Variants in TMCO6 observed in about 807,000 individuals in gnomAD.
TMCO6 encodes the protein transmembrane and coiled-coil domain-containing protein 6.
Under a neutral mutation model 61.8 loss-of-function variants are expected in TMCO6, and 47 were observed. The ratio of observed to expected loss-of-function variants is 0.76; its 90% CI spans 0.60 to 0.97. The LOEUF (loss-of-function observed/expected upper bound fraction) is 0.97, where lower values mean the gene tolerates loss of function less well. Among genes scored for constraint, TMCO6 ranks in the 50% least tolerant of loss-of-function variants. TMCO6 has a pLI of 0.00. For missense variants in TMCO6, 557 were observed against 601.6 expected, an observed-to-expected ratio of 0.93 and a Z score of 0.78; for synonymous variants, 261 against 254.2, an observed-to-expected ratio of 1.03 and a Z score of -0.25.
downstream of TMCO6, chr5:140,647,551 C>T (rs1176901948): frequency 6.2e-7 from 1 of 1,611,828 alleles, no homozygotes; most frequent in Non-Finnish European, 8.5e-7. Context: ...CCAGCTTTGC[C>T]CCGACTCCTC....
the TMCO6 span, chr5:140,631,599 T>C: frequency 7.9e-6 from 3 of 380,800 alleles, no homozygotes; most frequent in African/African-American, 2.1e-5. Flanking sequence ...AGTTCTTTTC[T>C]TGAGGAGGAC....
chr5:140,644,500 T>G (rs1757267108), intron 10 of TMCO6, 73 bp from the exon 11 acceptor site: 1 of 1,554,262 alleles, frequency 6.4e-7, no homozygotes, highest in Non-Finnish European at 8.8e-7. Context: ...GTGGTCACCA[T>G]GTCATATATT....
chr5:140,641,908 C>T lies in TMCO6; in HGVS notation c.353C>T (p.Thr118Ile). The change falls in exon 4 of 12, where the codon ACC (threonine) becomes ATC (isoleucine). Residue 118 changes from threonine to isoleucine, a missense_variant. Transcript: ENST00000394671. ...ATGCGGACCCTGGTCGGGCTCCTGA[C>T]CAGCAACCAGGCCCTGCTGCAGCTT... The part of the protein sequence containing the change: ...GSMRTLVGLL[T>I]SNQALLQLEA... 5 of 1,613,346 alleles carry T rather than the reference C, an allele frequency of 3.1e-6. No homozygotes were observed. Among genetic ancestry groups the T allele is most frequent in the Non-Finnish European group, 4.2e-6 (5 of 1,179,352 alleles).
chr5:140,632,826 G>C, the TMCO6 span: 5 of 1,614,022 alleles, frequency 3.1e-6, no homozygotes, highest in Non-Finnish European at 3.4e-6. The surrounding 1 kb of genome is among the most constrained non-coding windows in gnomAD (Gnocchi z 6.2). Flanking sequence ...CTCTACTGCA[G>C]ACACACACTG....
At chr5:140,640,254 T>A (rs1344403196) in intron 2 of TMCO6, among the ~76,000 whole-genome samples, 1 of 152,214 alleles carries the variant, frequency 6.6e-6, no homozygotes, top group Non-Finnish European at 1.5e-5. Context: ...AGCCTCTTCC[T>A]AACTCAAATT....
At chr5:140,618,653 C>T in the TMCO6 span, among the ~76,000 whole-genome samples, 2 of 152,096 alleles carry the variant, frequency 1.3e-5, no homozygotes, top group African/African-American at 2.4e-5. Flanking sequence ...CTTCCACCCT[C>T]CCCACTCAAG....
At chr5:140,628,774 G>A in the TMCO6 span, among the ~76,000 whole-genome samples, 1 of 152,056 alleles carries the variant, frequency 6.6e-6, no homozygotes, top group Non-Finnish European at 1.5e-5. Flanking sequence ...CTGAATTGTG[G>A]GCATCACTAT....
Position 140,645,334 on chromosome 5 carries a change from C to A in TMCO6, c.*236C>A. On this transcript the variant is annotated 3_prime_UTR_variant, in exon 12 of 12. Coordinates refer to ENST00000394671, the MANE Select transcript of TMCO6 (RefSeq NM_018502.5). ...GGGCCCTAGAATCCCTGCCCCCCCG[C>A]CACCCTTCATGTTTGCTTCAGCAGC... 1 of 736,942 alleles carries A rather than the reference C, an allele frequency of 1.4e-6. No individual in the cohort carries two copies. The highest frequency in any genetic ancestry group is 1.5e-5 in the South Asian group (1 of 66,478). 45.7% of individuals were successfully genotyped at this position (736,942 alleles called of 1,614,324 possible).
At chr5:140,611,235 T>C in the TMCO6 span, among the ~76,000 whole-genome samples, 2 of 152,174 alleles carry the variant, frequency 1.3e-5, no homozygotes, top group African/African-American at 4.8e-5. Context: ...CTTGCTTATC[T>C]GGGAGGCACA....
intron 10 of TMCO6, 58 bp downstream of exon 10, chr5:140,644,252 G>A (rs572033660): frequency 1.9e-6 from 3 of 1,555,726 alleles, no homozygotes; most frequent in East Asian, 2.2e-5. Flanking sequence ...TGGGACAGCA[G>A]TCCTGAGCCC....
At chr5:140,632,745 C>T in the TMCO6 span, 3 of 1,613,492 alleles carry the variant, frequency 1.9e-6, no homozygotes, top group East Asian at 4.5e-5. This position sits in a 1 kb window ranked among gnomAD's most constrained non-coding sequence, Gnocchi z 6.2. Context: ...AGCATACTGC[C>T]GCGGGTCGGC....
the TMCO6 span, among the ~76,000 whole-genome samples, chr5:140,603,265 T>C: frequency 6.6e-6 from 1 of 152,122 alleles, no homozygotes; most frequent in Non-Finnish European, 1.5e-5. Context: ...AATAACAACA[T>C]GTGACTTTCA....
chr5:140,617,973 C>T, the TMCO6 span, among the ~76,000 whole-genome samples: 6 of 151,850 alleles, frequency 4.0e-5, no homozygotes, highest in Non-Finnish European at 7.4e-5. Context: ...TAATATTGAA[C>T]GGGAAAAACA....
chr5:140,623,753 T>C, the TMCO6 span, among the ~76,000 whole-genome samples: 1 of 152,056 alleles, frequency 6.6e-6, no homozygotes, highest in South Asian at 2.1e-4. Flanking sequence ...TAAAACATTT[T>C]AAAAAAATAG....
At chr5:140,632,219 G>A in the TMCO6 span, 2 of 1,613,608 alleles carry the variant, frequency 1.2e-6, no homozygotes, top group African/African-American at 2.7e-5. This position sits in a 1 kb window ranked among gnomAD's most constrained non-coding sequence, Gnocchi z 6.2. Context: ...TGTGGCTGAG[G>A]TCTAGGCTGT....
the TMCO6 span, among the ~76,000 whole-genome samples, chr5:140,628,821 G>T: frequency 2.0e-5 from 3 of 152,236 alleles, no homozygotes; most frequent in South Asian, 2.1e-4. Context: ...TAAAATAAGG[G>T]TTACTGAACA....
the TMCO6 span, among the ~76,000 whole-genome samples, chr5:140,606,989 T>TAAA: frequency 3.0e-5 from 4 of 133,564 alleles, no homozygotes; most frequent in Non-Finnish European, 4.9e-5. Context: ...GTTTAAAAAG[T>TAAA]AAAAAAAAAA....
chr5:140,637,506 G>A (rs1034476695), upstream of TMCO6, among the ~76,000 whole-genome samples: 12 of 151,998 alleles, frequency 7.9e-5, no homozygotes, highest in African/African-American at 2.9e-4. Flanking sequence ...TTCTAAGGCC[G>A]CCCCCCACAA....
At chr5:140,641,110 C>T (rs1449014685) in intron 2 of TMCO6, 2 of 154,964 alleles carry the variant, frequency 1.3e-5, no homozygotes, top group East Asian at 1.9e-4. Flanking sequence ...ACAGATGTCA[C>T]AAGGGAAGGA....
Sources: gnomAD v4.1 joint callset for allele counts (sites outside exome capture counted in the v4.1 genomes callset) on GRCh38, gnomAD v4.1.1 for gene constraint, Gnocchi (gnomAD v3.1) non-coding constraint, MANE v1.5 for transcripts, NCBI Gene and HGNC (gene_info 2026-07-23, HGNC 2026-07-21) for gene names.